Variants in FAM178B observed in about 807,000 individuals in gnomAD.
The protein encoded by FAM178B is protein FAM178B.
FAM178B carries 82 observed loss-of-function variants against 91.7 expected under a neutral mutation model. The ratio of observed to expected loss-of-function variants is 0.89; its 90% CI spans 0.75 to 1.07. FAM178B has a LOEUF of 1.07. FAM178B is among the 50% of genes least tolerant of loss of function. The pLI, the probability that FAM178B is intolerant of heterozygous loss-of-function variation, is 0.00. For synonymous variants in FAM178B, 368 were observed against 359.4 expected, an observed-to-expected ratio of 1.02 and a Z score of -0.27; for missense variants, 769 against 846.7, an observed-to-expected ratio of 0.91 and a Z score of 1.14.
chr2:96,923,445 C>G (rs1282038500), intron 10 of FAM178B, 45 bp downstream of exon 10: 1 of 1,444,926 alleles, frequency 6.9e-7, no homozygotes, highest in African/African-American at 1.4e-5. Flanking sequence ...TGGGTCTGAA[C>G]TGTAAGCCGA....
chr2:96,958,505 T>C (rs2082032718), intron 6 of FAM178B, among the ~76,000 whole-genome samples: 2 of 151,510 alleles, frequency 1.3e-5, no homozygotes, highest in Non-Finnish European at 2.9e-5. Flanking sequence ...CTGGGCAACA[T>C]GGCGAGACCC....
chr2:96,958,219 G>A (rs1344501779), intron 6 of FAM178B, among the ~76,000 whole-genome samples: 1 of 151,904 alleles, frequency 6.6e-6, no homozygotes, highest in South Asian at 2.1e-4. Flanking sequence ...ACAGGCGCCC[G>A]CTACCACGCC....
At chr2:96,964,216 CA>C (rs55991315) in intron 5 of FAM178B, among the ~76,000 whole-genome samples, 2,782 of 148,972 alleles carry the variant, frequency 0.019, 29 homozygotes, top group Non-Finnish European at 0.03. Flanking sequence ...AGAAAAACTT[CA>C]AAAAAAAAAA....
intron 14 of FAM178B, among the ~76,000 whole-genome samples, 186 bp from the exon 15 acceptor site, chr2:96,878,679 GCTGGCA>G (rs1430643010): frequency 1.3e-5 from 2 of 152,178 alleles, no homozygotes; most frequent in Non-Finnish European, 2.9e-5. Context: ...CAGGCTCTGG[GCTGGCA>G]CTCACTTGGA....
chr2:96,887,946 G>A (rs753758200), intron 14 of FAM178B, among the ~76,000 whole-genome samples: 5 of 152,086 alleles, frequency 3.3e-5, no homozygotes, highest in African/African-American at 4.8e-5. Context: ...GCCTGCCTCC[G>A]CAGCTTAACT....
intron 1 of FAM178B, among the ~76,000 whole-genome samples, chr2:96,984,088 G>A (rs2082395200): frequency 6.6e-6 from 1 of 152,030 alleles, no homozygotes; most frequent in Non-Finnish European, 1.5e-5. Flanking sequence ...TCCTGCCTCA[G>A]CCTCCTGAGA....
At position 96,902,841 on chromosome 2, in the gene FAM178B, C is replaced by T. The variant is rs2080959874; in HGVS notation, c.1563-134G>A. 3 of 649,110 alleles carry T rather than the reference C, an allele frequency of 4.6e-6. No individual in the cohort carries two copies. In the Admixed American group the frequency reaches 6.9e-5, roughly 15 times the overall value. 40.2% of individuals were successfully genotyped at this position (649,110 alleles called of 1,614,324 possible). On this transcript the variant is annotated intron_variant, in intron 12 of 16. Transcript: ENST00000490605. ...GGGGTACCCCAGCAAAGGGCTTTCT[C>T]CATTGGCTTACAGCATTATGTATTC...
intron 14 of FAM178B, among the ~76,000 whole-genome samples, chr2:96,891,159 G>A (rs954663155): frequency 1.3e-5 from 2 of 152,208 alleles, no homozygotes; most frequent in Non-Finnish European, 2.9e-5. Context: ...TCCAGTTCCT[G>A]ACCCCCATGC....
chr2:96,941,783 G>A (rs2081735954), intron 8 of FAM178B, among the ~76,000 whole-genome samples: 1 of 152,184 alleles, frequency 6.6e-6, no homozygotes, highest in Admixed American at 6.5e-5. Context: ...AAGAACCTAC[G>A]CAAGCTCTAC....
At position 96,921,524 on chromosome 2, in the gene FAM178B, T is replaced by G; in HGVS notation, c.1418A>C (p.Gln473Pro). 1 of 1,551,676 alleles carries G rather than the reference T, an allele frequency of 6.4e-7. No individual in the cohort carries two copies. The highest frequency in any genetic ancestry group is 8.7e-7 in the Non-Finnish European group (1 of 1,146,978). ...GTTCTCCAGGAGCAAGAGGAGAAGC[T>G]GCTGGAGGTCAACTTTGGGCAGCAG... Reference protein sequence around the residue: ...LRLLPKVDLQQLLLLLLENIR... With the variant: ...LRLLPKVDLQPLLLLLLENIR... Residue 473 changes from glutamine (Q) to proline (P), a missense_variant, in exon 11 of 17, where the codon CAG becomes CCG. Physicochemically the swap from Gln to Pro is moderately conservative, Grantham distance 76. Coordinates refer to ENST00000490605, the MANE Select transcript of FAM178B (RefSeq NM_001122646.3).
At chr2:96,961,063 C>T (rs565164717) in intron 5 of FAM178B, among the ~76,000 whole-genome samples, 83 of 152,150 alleles carry the variant, frequency 5.5e-4, no homozygotes, top group African/African-American at 1.9e-3. Flanking sequence ...ATCCTGGGCC[C>T]GGTCCGGCCC....
At chr2:96,891,520 A>G (rs2080679549) in intron 14 of FAM178B, among the ~76,000 whole-genome samples, 1 of 150,788 alleles carries the variant, frequency 6.6e-6, no homozygotes, top group African/African-American at 2.4e-5. Flanking sequence ...AACTGGATTC[A>G]TTCGTTCACC....
chr2:96,887,482 T>A (rs190758090), intron 14 of FAM178B, among the ~76,000 whole-genome samples: 1 of 152,184 alleles, frequency 6.6e-6, no homozygotes. Context: ...AAGCCACGGG[T>A]TGAGCCATGC....
chr2:96,950,841 A>G (rs1358907466), intron 7 of FAM178B, among the ~76,000 whole-genome samples: 1 of 152,184 alleles, frequency 6.6e-6, no homozygotes, highest in African/African-American at 2.4e-5. Context: ...TGCACACAGG[A>G]AGCACACGCT....
intron 12 of FAM178B, 82 bp from the exon 13 acceptor site, chr2:96,902,789 G>T: frequency 2.1e-6 from 2 of 958,674 alleles, no homozygotes; most frequent in Non-Finnish European, 3.3e-6. Flanking sequence ...CATGGAGAGG[G>T]GACTTTGGGG....
Position 96,972,042 on chromosome 2 carries a change from C to T in FAM178B, c.423G>A (p.Gln141=), listed in dbSNP as rs1238217250. 1.3e-6 allele frequency: 2 copies of T among 1,550,886 alleles called. No individual in the cohort carries two copies. Among genetic ancestry groups the T allele is most frequent in the African/African-American group, 1.4e-5 (1 of 73,222 alleles). The change falls in exon 3 of 17, where the codon CAG becomes CAA. Residue 141 remains glutamine, a synonymous_variant. Transcript: ENST00000490605. ...AQRWVGVVGP[Q]GLRRLAGELP... ...GCTCACCAGCCAGTCTCCTCAGGCC[C>T]TGGGGGCCCACCACACCCACCCACC...
chr2:96,948,954 C>A (rs957704360), intron 7 of FAM178B, among the ~76,000 whole-genome samples: 2 of 152,230 alleles, frequency 1.3e-5, no homozygotes, highest in African/African-American at 2.4e-5. Flanking sequence ...ACGCCCCCCC[C>A]AGTAAGCCTG....
At chr2:96,896,760 G>A (rs1160962349) in intron 13 of FAM178B, among the ~76,000 whole-genome samples, 1 of 152,154 alleles carries the variant, frequency 6.6e-6, no homozygotes, top group African/African-American at 2.4e-5. Flanking sequence ...TGGAGCTGGT[G>A]CCCTGCCTGG....
chr2:96,881,864 G>A (rs1448310283), intron 14 of FAM178B, among the ~76,000 whole-genome samples: 1 of 152,022 alleles, frequency 6.6e-6, no homozygotes, highest in African/African-American at 2.4e-5. Context: ...TTTCCCAAAG[G>A]GAAAAACCTA....
Sources: gnomAD v4.1 joint callset for allele counts (sites outside exome capture counted in the v4.1 genomes callset) on GRCh38, gnomAD v4.1.1 for gene constraint, MANE v1.5 for transcripts, NCBI Gene and HGNC (gene_info 2026-07-23, HGNC 2026-07-21) for gene names.